Variants in CFAP251 observed in about 807,000 individuals in gnomAD.
CFAP251 encodes the protein cilia- and flagella-associated protein 251.
A neutral mutation model predicts 126.7 loss-of-function variants in CFAP251; 93 were observed. That is an observed-to-expected ratio of 0.73 (90% CI 0.62 to 0.87). CFAP251 has a LOEUF of 0.87. Ranked by LOEUF, CFAP251 falls within the 40% of genes least tolerant of loss-of-function variation. The pLI is 0.00. For synonymous variants in CFAP251, 503 were observed against 506.9 expected (o/e 0.99, Z 0.10); for missense variants, 1,287 against 1,389.2 (o/e 0.93, Z 1.17).
intron 21 of CFAP251, among the ~76,000 whole-genome samples, chr12:122,003,434 G>T (rs761645151): frequency 6.6e-6 from 1 of 152,092 alleles, no homozygotes; most frequent in African/African-American, 2.4e-5. Context: ...TAAGCTGGGC[G>T]TGGTGGCGTG....
rs1283241902 is a variant in CFAP251 at position 121,928,644 on chromosome 12, A to G, written c.748-3102A>G. On this transcript the variant is annotated intron_variant, in intron 3 of 21. Coordinates refer to ENST00000288912, the MANE Select transcript of CFAP251 (RefSeq NM_144668.6). The stretch of plus-strand genomic sequence containing the variant: ...TATATGTGTATATATATACGTATAT[A>G]TATATATATATACGTATATATATAC... 2.8e-4 allele frequency among the ~76,000 whole-genome samples: 10 copies of G among 35,344 alleles called. 1 individual carries two copies. The highest frequency in any genetic ancestry group is 4.3e-4 in the African/African-American group (9 of 20,902). 23.2% of individuals were successfully genotyped at this position (35,344 alleles called of 152,430 possible).
chr12:121,944,204 C>A (rs915780219), intron 7 of CFAP251, among the ~76,000 whole-genome samples: 2 of 152,172 alleles, frequency 1.3e-5, no homozygotes, highest in African/African-American at 4.8e-5. Context: ...TAAGTACATG[C>A]CTGACTTGCA....
intron 19 of CFAP251, among the ~76,000 whole-genome samples, chr12:121,977,721 C>G (rs1279051450): frequency 2.0e-5 from 3 of 149,344 alleles, no homozygotes; most frequent in Non-Finnish European, 3.0e-5. Context: ...TTTGGGAGGC[C>G]AAGGCGGGCG....
intron 3 of CFAP251, among the ~76,000 whole-genome samples, chr12:121,930,894 G>A (rs1880658152): frequency 6.6e-6 from 1 of 151,644 alleles, no homozygotes. Flanking sequence ...GAGTAAAGGT[G>A]CGTGCCACCA....
Position 121,923,712 on chromosome 12 carries a change from G to T in CFAP251, c.469G>T (p.Glu157Ter). ...TTTAAGAGACCTGAGCACACAAATT[G>T]AATTTCTTGATTTGGATCAAATCAG... is the stretch of plus-strand genomic sequence containing the variant. Reference protein sequence around the residue: ...ELLRDLSTQIEFLDLDQISPE... With the variant: ...ELLRDLSTQI The change falls in exon 3 of 22, where the codon GAA (glutamate) becomes TAA (stop). Residue 157 changes from glutamate to a stop codon, truncating the protein, a stop_gained. Coordinates refer to ENST00000288912, the MANE Select transcript of CFAP251 (RefSeq NM_144668.6). LOFTEE classifies it high-confidence loss of function. 1.2e-6 allele frequency: 2 copies of T among 1,613,302 alleles called. No individual in the cohort carries two copies. Among genetic ancestry groups the T allele is most frequent in the Non-Finnish European group, 1.7e-6 (2 of 1,179,678 alleles).
intron 17 of CFAP251, chr12:121,969,928 G>A (rs2135794807): frequency 1.0e-6 from 1 of 985,466 alleles, no homozygotes; most frequent in Non-Finnish European, 1.2e-6. Context: ...TTAATCTGTG[G>A]TGGGGACAAA....
In CFAP251 at chr12:121,962,120, G is replaced by A. The variant is rs781772531; in HGVS notation, c.2450G>A (p.Gly817Asp). Residue 817 changes from glycine to aspartate, a missense_variant, in exon 15 of 22, where the codon GGC becomes GAC. Physicochemically the swap from Gly to Asp is moderately conservative, Grantham distance 94. Transcript: ENST00000288912. Reference protein sequence around the residue: ...RELFLLICNSGYKVKLFNATT... With the variant: ...RELFLLICNSDYKVKLFNATT... ...CTCTTCCTGCTTATTTGCAACAGTG[G>A]CTACAAAGTGAAGCTTTTTAATGCT... The A allele has an allele frequency of 1.2e-6, 2 of 1,613,772 alleles. No individual in the cohort carries two copies. Among genetic ancestry groups the A allele is most frequent in the East Asian group, 4.5e-5 (2 of 44,898 alleles).
intron 20 of CFAP251, 90 bp downstream of exon 20, chr12:122,000,034 C>G: frequency 8.3e-7 from 1 of 1,206,740 alleles, no homozygotes; most frequent in Non-Finnish European, 1.2e-6. Flanking sequence ...CTGTGGAGCT[C>G]CATCTTTCAT....
At chr12:121,978,967 T>C (rs1882549724) in intron 19 of CFAP251, among the ~76,000 whole-genome samples, 1 of 152,146 alleles carries the variant, frequency 6.6e-6, no homozygotes, top group South Asian at 2.1e-4. Flanking sequence ...AATGTAGCAT[T>C]TTACGTGCCC....
intron 4 of CFAP251, 121 bp downstream of exon 4, chr12:121,932,007 G>T: frequency 1.0e-6 from 1 of 1,002,668 alleles, no homozygotes; most frequent in Non-Finnish European, 1.3e-6. Flanking sequence ...ACTCTCCTTG[G>T]AACTAAAAGC....
chr12:121,940,861 A>G (rs1204193236), intron 5 of CFAP251, among the ~76,000 whole-genome samples: 1 of 152,148 alleles, frequency 6.6e-6, no homozygotes, highest in Non-Finnish European at 1.5e-5. Flanking sequence ...TTTGGAGTCT[A>G]TTCCTCCAGA....
At position 121,971,474 on chromosome 12, in the gene CFAP251, A is replaced by G. The variant is rs1483301852; in HGVS notation, c.2771+3305A>G. The G allele has an allele frequency of 8.6e-6, 6 of 698,754 alleles. No individual in the cohort carries two copies. The African/African-American group carries it at 1.0e-4, about 12-fold the overall frequency. The allele number at this position is 698,754 out of a possible 1,614,324, so 43.3% of individuals were successfully genotyped here. Reference sequence around the variant, plus strand: ...GATACCCATTTCCATGGCCGTAATAATCCCAACCACTTGTGCTGAGTTTTC... The same window carrying G: ...GATACCCATTTCCATGGCCGTAATAGTCCCAACCACTTGTGCTGAGTTTTC... On this transcript the variant is annotated intron_variant, in intron 17 of 21. Coordinates refer to ENST00000288912, the MANE Select transcript of CFAP251 (RefSeq NM_144668.6).
chr12:121,935,255 T>A (rs1456084538), intron 5 of CFAP251, among the ~76,000 whole-genome samples: 1 of 152,170 alleles, frequency 6.6e-6, no homozygotes, highest in African/African-American at 2.4e-5. Flanking sequence ...CCGCATCCGA[T>A]CTCTCTTTCT....
At chr12:121,945,639 G>T (rs1277175426) in intron 7 of CFAP251, among the ~76,000 whole-genome samples, 1 of 150,906 alleles carries the variant, frequency 6.6e-6, no homozygotes, top group Admixed American at 6.6e-5. Context: ...CACCGTGCCC[G>T]GCCAGAGTGT....
chr12:121,997,320 G>A, intron 19 of CFAP251: 1 of 151,336 alleles, frequency 6.6e-6, no homozygotes, highest in Admixed American at 6.6e-5. Flanking sequence ...CTAGTTCCTG[G>A]GTTCAAGCAG....
intron 17 of CFAP251, chr12:121,969,671 T>G (rs1435007450): frequency 1.1e-6 from 1 of 886,436 alleles, no homozygotes; most frequent in East Asian, 1.2e-4. Context: ...AAATTTTTTT[T>G]GTCGATACAG....
At chr12:121,931,286 T>A (rs1880674783) in intron 3 of CFAP251, among the ~76,000 whole-genome samples, 1 of 152,208 alleles carries the variant, frequency 6.6e-6, no homozygotes, top group Admixed American at 6.5e-5. Flanking sequence ...TAAATTTTTT[T>A]TTAAATTGTG....
intron 19 of CFAP251, among the ~76,000 whole-genome samples, chr12:121,984,971 T>G (rs1454043182): frequency 6.6e-6 from 1 of 152,162 alleles, no homozygotes; most frequent in Non-Finnish European, 1.5e-5. Context: ...TGGCAAATGT[T>G]GATGGAATGA....
intron 7 of CFAP251, among the ~76,000 whole-genome samples, chr12:121,946,009 A>C (rs899629955): frequency 1.3e-5 from 2 of 152,210 alleles, no homozygotes; most frequent in Admixed American, 6.5e-5. Flanking sequence ...CTGTACTTAA[A>C]ATCCTTCAGT....
Sources: allele counts gnomAD v4.1 joint callset (sites outside exome capture counted in the v4.1 genomes callset), GRCh38; gene constraint gnomAD v4.1.1; transcripts MANE v1.5; gene names NCBI Gene and HGNC (gene_info 2026-07-23, HGNC 2026-07-21).